Variants in AGBL1 observed in about 807,000 individuals in gnomAD.
AGBL1 encodes AGBL carboxypeptidase 1.
In AGBL1, 130 loss-of-function variants were observed where a neutral mutation model predicts 118.9. The ratio of observed to expected loss-of-function variants is 1.09; its 90% CI spans 0.95 to 1.26. AGBL1 has a LOEUF of 1.26. Ranked by LOEUF, AGBL1 falls within the 50% of genes most tolerant of loss-of-function variation. AGBL1 has a pLI of 0.00. For synonymous variants in AGBL1, 555 were observed against 478.9 expected (o/e 1.16, Z -2.08); for missense variants, 1,584 against 1,298.1 (o/e 1.22, Z -3.38).
chr15:86,263,024 C>T, intron 10 of AGBL1, 130 bp downstream of exon 10: 1 of 691,328 alleles, frequency 1.4e-6, no homozygotes, highest in South Asian at 2.0e-5. Context: ...TGGGCTCTTC[C>T]TTAGAGAAAA....
downstream of AGBL1, among the ~76,000 whole-genome samples, chr15:86,919,609 CA>C (rs1255397900): frequency 2.0e-5 from 3 of 151,620 alleles, no homozygotes; most frequent in East Asian, 3.9e-4. Context: ...CACACACACA[CA>C]CACCCGACTA....
chr15:86,453,465 C>T (rs1009896093), intron 18 of AGBL1, among the ~76,000 whole-genome samples: 6 of 152,116 alleles, frequency 3.9e-5, no homozygotes, highest in East Asian at 1.9e-4. Context: ...GGAGAGAGCC[C>T]GAACACTTCT....
chr15:86,214,740 C>A (rs780216863), intron 5 of AGBL1, among the ~76,000 whole-genome samples: 98 of 152,182 alleles, frequency 6.4e-4, no homozygotes, highest in Admixed American at 1.1e-3. Flanking sequence ...ACTTCAAAAC[C>A]ATTTCTCCTT....
intron 1 of AGBL1, among the ~76,000 whole-genome samples, chr15:86,134,893 G>A (rs1221077618): frequency 2.0e-5 from 3 of 151,286 alleles, no homozygotes; most frequent in Non-Finnish European, 4.4e-5. Context: ...GATTACAGGT[G>A]TAAGCCACTG....
rs149119559 is a variant in AGBL1 at position 86,102,588 on chromosome 15, C to G, written c.51+22565C>G. Among the ~76,000 whole-genome samples the G allele has an allele frequency of 2.4e-3, 362 of 152,276 alleles. 5 individuals are homozygous for G. The highest frequency in any genetic ancestry group is 8.4e-3 in the African/African-American group (348 of 41,554). On this transcript the variant is annotated intron_variant, in intron 1 of 22. Coordinates refer to ENST00000614907, the MANE Select transcript of AGBL1 (RefSeq NM_001386094.1). ...TTCTTGCATAATATTCCCGCCCCAC[C>G]AGCACTTTTAATATATCATCTCATT...
intron 23 of AGBL1, among the ~76,000 whole-genome samples, chr15:86,940,708 T>A (rs2080739758): frequency 6.6e-6 from 1 of 152,152 alleles, no homozygotes; most frequent in Non-Finnish European, 1.5e-5. Flanking sequence ...ATAGGCAAAT[T>A]TCCCAAACAG....
intron 17 of AGBL1, among the ~76,000 whole-genome samples, chr15:86,345,569 T>A (rs2080524155): frequency 6.6e-6 from 1 of 152,162 alleles, no homozygotes; most frequent in Non-Finnish European, 1.5e-5. Flanking sequence ...GGAAGTGACA[T>A]TTACACTGAG....
At chr15:86,250,652 T>C (rs899469999) in intron 7 of AGBL1, among the ~76,000 whole-genome samples, 2 of 144,164 alleles carry the variant, frequency 1.4e-5, no homozygotes, top group Non-Finnish European at 3.0e-5. Context: ...TTTTGGAAAA[T>C]GATCATTGCA....
In AGBL1 at chr15:86,924,239, C is replaced by A. The variant is rs150180276; in HGVS notation, c.3222-63748C>A. Among the ~76,000 whole-genome samples the A allele has an allele frequency of 4.6e-3, 702 of 152,330 alleles. 2 individuals carry two copies. Among genetic ancestry groups the A allele is most frequent in the Non-Finnish European group, 6.6e-3 (448 of 68,028 alleles). On this transcript the variant is annotated intron_variant, in intron 23 of 24. Transcript: ENST00000441037. ...TAGATTGGCTGGTAAGTGCCACACA[C>A]AAGTTCTGCCTGAAAGGACATTGTG...
Position 86,567,317 on chromosome 15 carries a change from T to C in AGBL1, c.2994+12780T>C, listed in dbSNP as rs1000018494. On this transcript the variant is annotated intron_variant, in intron 21 of 22. Transcript: ENST00000614907. ...ATTTATAGGCTTAGCTACATCAAAGTAATGTCTATATGTATCATTTAGACA... is the reference window on the plus strand; with the variant it reads ...ATTTATAGGCTTAGCTACATCAAAGCAATGTCTATATGTATCATTTAGACA... Among the ~76,000 whole-genome samples the C allele has an allele frequency of 1.4e-4, 21 of 152,210 alleles. 1 individual carries two copies. The highest frequency in any genetic ancestry group is 5.1e-4 in the African/African-American group (21 of 41,466).
chr15:86,734,691 G>C (rs1484541508), intron 22 of AGBL1, among the ~76,000 whole-genome samples: 1 of 152,146 alleles, frequency 6.6e-6, no homozygotes, highest in Non-Finnish European at 1.5e-5. Flanking sequence ...AGTGACATCA[G>C]GAAAAATGAG....
chr15:86,815,726 C>G (rs1188163876), intron 22 of AGBL1, among the ~76,000 whole-genome samples: 1 of 139,312 alleles, frequency 7.2e-6, no homozygotes, highest in African/African-American at 2.4e-5. Flanking sequence ...TAGAGAGAAG[C>G]AAAATCCCAA....
intron 22 of AGBL1, among the ~76,000 whole-genome samples, chr15:86,780,265 A>G (rs995677837): frequency 1.3e-5 from 2 of 152,226 alleles, no homozygotes; most frequent in Non-Finnish European, 2.9e-5. Flanking sequence ...CAGTTTTGTC[A>G]TAAATCAGAT....
At chr15:86,266,591 A>G (rs899534245) in intron 12 of AGBL1, 134 bp downstream of exon 12, 5 of 713,318 alleles carry the variant, frequency 7.0e-6, no homozygotes, top group South Asian at 2.2e-5. Context: ...TTAAAGATCT[A>G]TAAGAGAAAG....
At chr15:86,140,750 T>C (rs1444301) in intron 1 of AGBL1, among the ~76,000 whole-genome samples, 33,700 of 151,804 alleles carry the variant, frequency 0.22, 6,229 homozygotes, top group African/African-American at 0.5. Context: ...TAAGGAAAAG[T>C]GCGGCTGGAA....
intron 22 of AGBL1, among the ~76,000 whole-genome samples, chr15:86,755,403 G>T (rs2077921332): frequency 6.6e-6 from 1 of 152,142 alleles, no homozygotes; most frequent in Non-Finnish European, 1.5e-5. Flanking sequence ...CAAGCTTTCT[G>T]TGTTAGGTTT....
intron 22 of AGBL1, among the ~76,000 whole-genome samples, chr15:86,722,648 T>A (rs2142725872): frequency 6.6e-6 from 1 of 152,256 alleles, no homozygotes; most frequent in East Asian, 1.9e-4. Context: ...AAAGCCAAAA[T>A]TGACAAATGG....
At chr15:86,427,342 T>C (rs1203971955) in intron 18 of AGBL1, among the ~76,000 whole-genome samples, 1 of 152,194 alleles carries the variant, frequency 6.6e-6, no homozygotes, top group Non-Finnish European at 1.5e-5. Flanking sequence ...ATTAGGGTCT[T>C]TCATAAGATG....
At chr15:86,745,255 T>G (rs1207882361) in intron 22 of AGBL1, among the ~76,000 whole-genome samples, 1 of 152,096 alleles carries the variant, frequency 6.6e-6, no homozygotes, top group East Asian at 1.9e-4. Flanking sequence ...TGCCCAATCT[T>G]TCTGAATATA....
Sources: allele counts gnomAD v4.1 joint callset (sites outside exome capture counted in the v4.1 genomes callset), GRCh38; gene constraint gnomAD v4.1.1; transcripts MANE v1.5; gene names NCBI Gene and HGNC (gene_info 2026-07-23, HGNC 2026-07-21).